MAPK10: variants seen among roughly 807,000 people sequenced by gnomAD.
MAPK10 encodes the protein mitogen-activated protein kinase 10, also known as JNK3 alpha protein kinase.
Under a neutral mutation model 59.3 loss-of-function variants are expected in MAPK10, and 25 were observed. The observed-to-expected ratio is 0.42, with a 90% confidence interval of 0.31 to 0.59. MAPK10 has a LOEUF of 0.59. Ranked by LOEUF, MAPK10 falls within the 20% of genes least tolerant of loss-of-function variation. MAPK10 has a pLI of 0.15. For synonymous variants in MAPK10, 190 were observed against 200.5 expected (o/e 0.95, Z 0.44); for missense variants, 351 against 568.9 (o/e 0.62, Z 3.90).
At chr4:86,442,010 T>C (rs910575731) in intron 1 of MAPK10, among the ~76,000 whole-genome samples, 4 of 152,200 alleles carry the variant, frequency 2.6e-5, no homozygotes, top group African/African-American at 9.7e-5. Flanking sequence ...GTACATTCCC[T>C]GGGAAATCCC....
At chr4:86,219,203 GT>G (rs1272908192) in intron 2 of MAPK10, among the ~76,000 whole-genome samples, 2 of 152,028 alleles carry the variant, frequency 1.3e-5, no homozygotes, top group Non-Finnish European at 2.9e-5. Context: ...GATTTCCATG[GT>G]ATTGGGGGCA....
chr4:86,493,856 C>A (rs1467230918), intron 1 of MAPK10, among the ~76,000 whole-genome samples: 1 of 152,028 alleles, frequency 6.6e-6, no homozygotes, highest in East Asian at 1.9e-4. Flanking sequence ...TTTCCAATAC[C>A]CAAGAGAAGG....
At chr4:86,306,096 T>C (rs2095562786) in intron 2 of MAPK10, among the ~76,000 whole-genome samples, 1 of 152,210 alleles carries the variant, frequency 6.6e-6, no homozygotes, top group South Asian at 2.1e-4. Context: ...TTTATGATCA[T>C]TATATCTATC....
chr4:86,403,421 C>T (rs542262056), intron 1 of MAPK10, among the ~76,000 whole-genome samples: 17 of 152,176 alleles, frequency 1.1e-4, no homozygotes, highest in Admixed American at 1.0e-3. Flanking sequence ...GAGGCTGAGG[C>T]ATGAGAATTG....
At chr4:86,559,527 G>A (rs1257915000) in intron 1 of MAPK10, among the ~76,000 whole-genome samples, 1 of 152,104 alleles carries the variant, frequency 6.6e-6, no homozygotes, top group African/African-American at 2.4e-5. Context: ...TGGATAATTT[G>A]TATAAAATGC....
intron 11 of MAPK10, among the ~76,000 whole-genome samples, chr4:86,034,606 G>T (rs548478072): frequency 6.6e-6 from 1 of 152,156 alleles, no homozygotes; most frequent in Non-Finnish European, 1.5e-5. Context: ...TTTCAAAATT[G>T]AATAAGGTGA....
intron 1 of MAPK10, among the ~76,000 whole-genome samples, chr4:86,423,320 G>C (rs1221301473): frequency 6.6e-6 from 1 of 152,084 alleles, no homozygotes; most frequent in Admixed American, 6.6e-5. Flanking sequence ...TTAAAATGCT[G>C]GCACATCAAT....
intron 2 of MAPK10, among the ~76,000 whole-genome samples, chr4:86,309,106 G>C (rs1311550952): frequency 3.9e-5 from 6 of 152,002 alleles, no homozygotes; most frequent in Non-Finnish European, 8.8e-5. Flanking sequence ...TAAATTCAAA[G>C]TCTTATGGGA....
rs1315632822 is a variant in MAPK10 at position 86,013,938 on chromosome 4, T to C, written c.*3290A>G. 6.6e-6 allele frequency: 1 copy of C among 152,190 alleles called. No homozygotes were observed. Among genetic ancestry groups the C allele is most frequent in the Non-Finnish European group, 1.5e-5 (1 of 68,032 alleles). 9.4% of individuals were successfully genotyped at this position (152,190 alleles called of 1,614,324 possible). ...AAGGCTAGTGTATTCCTATTTAAAA[T>C]TGAACACGCTGACCCACAAAACACA... is the stretch of plus-strand genomic sequence containing the variant. On this transcript the variant is annotated 3_prime_UTR_variant, in exon 14 of 14. Transcript: ENST00000641462.
chr4:86,225,912 G>A (rs893355275), intron 2 of MAPK10, among the ~76,000 whole-genome samples: 9 of 152,038 alleles, frequency 5.9e-5, no homozygotes, highest in Non-Finnish European at 1.2e-4. Context: ...TTAGATATAT[G>A]TATACATATA....
chr4:86,079,344 A>C (rs557912521), intron 9 of MAPK10, among the ~76,000 whole-genome samples: 4 of 152,344 alleles, frequency 2.6e-5, no homozygotes, highest in Admixed American at 6.5e-5. Context: ...AAATAAAAAA[A>C]TGGAGAGACA....
chr4:86,533,486 A>G (rs754135019), intron 1 of MAPK10, among the ~76,000 whole-genome samples: 2 of 152,174 alleles, frequency 1.3e-5, no homozygotes, highest in Non-Finnish European at 2.9e-5. Context: ...CTGAGGGTTC[A>G]GTAGAAAACC....
intron 3 of MAPK10, among the ~76,000 whole-genome samples, chr4:86,162,815 A>C (rs1487066032): frequency 1.3e-5 from 2 of 152,052 alleles, no homozygotes; most frequent in Non-Finnish European, 2.9e-5. Flanking sequence ...TCCCCAACTA[A>C]AAATATCCCT....
At chr4:86,049,609 C>T (rs2043145186) in intron 11 of MAPK10, among the ~76,000 whole-genome samples, 1 of 151,948 alleles carries the variant, frequency 6.6e-6, no homozygotes, top group African/African-American at 2.4e-5. Flanking sequence ...TTAAGAAAAC[C>T]TTCTTTAATA....
intron 2 of MAPK10, among the ~76,000 whole-genome samples, chr4:86,215,394 C>T (rs2087196520): frequency 6.6e-6 from 1 of 151,880 alleles, no homozygotes; most frequent in South Asian, 2.1e-4. Context: ...GCAACAAAAG[C>T]AAAAATAGAC....
rs189482103 is a variant in MAPK10, at chr4:86,320,991, C to T, written c.-7+33539G>A. ...CAAAAAACACATGAAAAAATGCTCA[C>T]CATCACTGGTCATCAGAGAAATGCA... is the stretch of plus-strand genomic sequence containing the variant. On this transcript the variant is annotated intron_variant, in intron 2 of 13. Transcript: ENST00000641462. Among the ~76,000 whole-genome samples, 483 of 152,220 alleles carry T rather than the reference C, an allele frequency of 3.2e-3. 2 individuals are homozygous for T. The highest frequency in any genetic ancestry group is 0.011 in the African/African-American group (458 of 41,538).
intron 9 of MAPK10, among the ~76,000 whole-genome samples, chr4:86,094,260 C>G (rs913410898): frequency 6.6e-6 from 1 of 151,926 alleles, no homozygotes; most frequent in Admixed American, 6.6e-5. Flanking sequence ...TTCAAATATA[C>G]TTTTGGAAAA....
In MAPK10 at chr4:86,115,756, C is replaced by T. The variant is rs576381809; in HGVS notation, c.237-8404G>A. ...GATTACAGGCATGAGCCACCAGGCC[C>T]GGCCTGGAGCTGCTTCTAATCAGCC... On this transcript the variant is annotated intron_variant, in intron 4 of 13. Coordinates refer to ENST00000641462, the MANE Select transcript of MAPK10 (RefSeq NM_138982.4). Among the ~76,000 whole-genome samples, 100 of 152,280 alleles carry T rather than the reference C, an allele frequency of 6.6e-4. 1 individual carries two copies. Among genetic ancestry groups the T allele is most frequent in the Middle Eastern group, 3.4e-3 (1 of 294 alleles).
intron 2 of MAPK10, among the ~76,000 whole-genome samples, chr4:86,263,242 G>C (rs942112154): frequency 2.0e-5 from 3 of 152,076 alleles, no homozygotes; most frequent in Non-Finnish European, 4.4e-5. Context: ...TCTTTTATTA[G>C]ATATTCCTGA....
Sources: allele counts gnomAD v4.1 joint callset (sites outside exome capture counted in the v4.1 genomes callset), GRCh38; gene constraint gnomAD v4.1.1; transcripts MANE v1.5; gene names NCBI Gene and HGNC (gene_info 2026-07-23, HGNC 2026-07-21).